DCAF4: variants seen among roughly 807,000 people sequenced by gnomAD.
DCAF4 encodes the protein DDB1- and CUL4-associated factor 4.
Under a neutral mutation model 60.9 loss-of-function variants are expected in DCAF4, and 37 were observed. The observed-to-expected ratio is 0.61, with a 90% CI of 0.47 to 0.80. The LOEUF is 0.80. DCAF4 is among the 30% of genes least tolerant of loss of function. DCAF4 has a pLI of 0.00. For missense variants in DCAF4, 577 were observed against 650.0 expected (o/e 0.89, Z 1.22); for synonymous variants, 243 against 254.8 (o/e 0.95, Z 0.44).
chr14:72,930,810 CA>C (rs1208437610), intron 1 of DCAF4, among the ~76,000 whole-genome samples: 1 of 152,066 alleles, frequency 6.6e-6, no homozygotes, highest in African/African-American at 2.4e-5. Context: ...AGTAAGGATC[CA>C]AATTCATTCT....
intron 8 of DCAF4, among the ~76,000 whole-genome samples, chr14:72,951,114 G>A (rs527681066): frequency 6.6e-6 from 1 of 152,084 alleles, no homozygotes; most frequent in South Asian, 2.1e-4. Flanking sequence ...CCAAGGAGCT[G>A]GTACTACAGG....
chr14:72,933,997 T>C (rs1177303152), intron 1 of DCAF4, among the ~76,000 whole-genome samples: 1 of 152,164 alleles, frequency 6.6e-6, no homozygotes, highest in Non-Finnish European at 1.5e-5. Flanking sequence ...TGCCCTTTCT[T>C]AGCAGCTCTA....
chr14:72,944,907 T>G (rs183906952), intron 6 of DCAF4, among the ~76,000 whole-genome samples: 98 of 148,534 alleles, frequency 6.6e-4, no homozygotes, highest in Non-Finnish European at 1.1e-3. Flanking sequence ...TGACCAACAT[T>G]GTGAAACCAC....
rs565953458 is a variant in DCAF4 at position 72,934,229 on chromosome 14, C to T, written c.-8-3742C>T. 2.6e-5 allele frequency among the ~76,000 whole-genome samples: 4 copies of T among 151,818 alleles called. No homozygotes were observed. In the South Asian group the frequency reaches 6.2e-4, roughly 24 times the overall value. ...AGTGCAATGGCGCTATCTCGGCTCA[C>T]GGCAACCTCCACCTCCCGGGTTCAA... On this transcript the variant is annotated intron_variant, in intron 1 of 13. Coordinates refer to ENST00000358377, the MANE Select transcript of DCAF4 (RefSeq NM_015604.4).
intron 7 of DCAF4, among the ~76,000 whole-genome samples, chr14:72,946,265 C>T (rs56683761): frequency 0.01 from 1,511 of 150,634 alleles, 21 homozygotes; most frequent in African/African-American, 0.034. Context: ...TGTGGTGGCG[C>T]GCACCTGTAG....
In DCAF4 at chr14:72,956,483, A is replaced by C; in HGVS notation, c.1277A>C (p.Glu426Ala). The change falls in exon 13 of 14, where the codon GAA becomes GCA. Residue 426 changes from glutamate to alanine, a missense_variant. By Grantham distance (107) the Glu-to-Ala change is moderately radical (BLOSUM62 -1). Transcript: ENST00000358377. The stretch of plus-strand genomic sequence containing the variant: ...CTGCCCCTGCATGTGCACGAGGAAG[A>C]AGGAATCCTGGTGGCAGGTACTTGA... ...AYLPLHVHEE[E>A]GILVAVGQDC... 6.2e-7 allele frequency: 1 copy of C among 1,612,692 alleles called. No individual in the cohort carries two copies. Among genetic ancestry groups the C allele is most frequent in the Non-Finnish European group, 8.5e-7 (1 of 1,179,346 alleles).
intron 4 of DCAF4, chr14:72,940,591 G>GTTTTTT: frequency 7.0e-6 from 2 of 284,510 alleles, no homozygotes; most frequent in Middle Eastern, 1.0e-3. Flanking sequence ...TCGATAAGTT[G>GTTTTTT]TTTTTTTTTT....
intron 13 of DCAF4, chr14:72,957,549 CTCA>C (rs1892466036): frequency 6.6e-6 from 1 of 152,220 alleles, no homozygotes; most frequent in Admixed American, 6.5e-5. Context: ...ATTTACTATT[CTCA>C]TCAACACCAG....
intron 3 of DCAF4, 148 bp downstream of exon 3, chr14:72,940,050 G>T (rs1417462318): frequency 2.6e-6 from 3 of 1,174,968 alleles, no homozygotes; most frequent in Non-Finnish European, 3.6e-6. Context: ...GAGGCAAACC[G>T]CCTCCCCCAG....
intron 2 of DCAF4, among the ~76,000 whole-genome samples, chr14:72,939,091 C>T (rs555991471): frequency 2.0e-4 from 30 of 152,150 alleles, no homozygotes; most frequent in South Asian, 6.2e-4. Flanking sequence ...TGGTGGCTGA[C>T]GCCTGTAATC....
rs1594755468 is a variant in DCAF4, at chr14:72,940,351, C to T, written c.325C>T (p.Leu109Phe). 6.2e-7 allele frequency: 1 copy of T among 1,612,584 alleles called. No homozygotes were observed. Among genetic ancestry groups the T allele is most frequent in the Non-Finnish European group, 8.5e-7 (1 of 1,179,668 alleles). ...GATGGAGAGCAAGAGACTGCGGCTG[C>T]TCCAGGAAGAAGACAGACGGAAAAA... is the stretch of plus-strand genomic sequence containing the variant. ...KEMESKRLRL[L>F]QEEDRRKKIA... The change falls in exon 4 of 14, where the codon CTC becomes TTC. Residue 109 changes from leucine to phenylalanine, a missense_variant. Coordinates refer to ENST00000358377, the MANE Select transcript of DCAF4 (RefSeq NM_015604.4).
intron 4 of DCAF4, 22 bp from the exon 5 acceptor site, chr14:72,941,721 TTC>T: frequency 6.2e-7 from 1 of 1,602,542 alleles, no homozygotes. Flanking sequence ...CATTGAATTG[TTC>T]TCTTTTTTGT....
intron 1 of DCAF4, chr14:72,929,994 T>G (rs1294679840): frequency 3.1e-6 from 2 of 647,276 alleles, no homozygotes; most frequent in South Asian, 1.8e-5. Context: ...TAGCCTGGTG[T>G]TGTGGCTCGT....
chr14:72,929,708 C>G, intron 1 of DCAF4: 1 of 1,246,078 alleles, frequency 8.0e-7, no homozygotes, highest in Admixed American at 1.7e-5. Flanking sequence ...CCACCCTTTT[C>G]TTGATGAACT....
At position 72,942,976 on chromosome 14, in the gene DCAF4, C is replaced by T. The variant is rs1890245701; in HGVS notation, c.432-18C>T. The stretch of plus-strand genomic sequence containing the variant: ...ATGTCAGCTTCAGCATCCATGCCCC[C>T]ACCCTCTGTTTCTGCAGTTTAGCCC... On this transcript the variant is annotated intron_variant, in intron 5 of 13. Transcript: ENST00000358377. 1.9e-6 allele frequency: 3 copies of T among 1,612,814 alleles called. No individual in the cohort carries two copies. The highest frequency in any genetic ancestry group is 1.1e-5 in the South Asian group (1 of 90,950).
intron 13 of DCAF4, 75 bp downstream of exon 13, chr14:72,956,575 G>A: frequency 2.8e-6 from 4 of 1,443,086 alleles, no homozygotes; most frequent in African/African-American, 1.4e-5. Flanking sequence ...AACTTCAGCA[G>A]CAGAGGGAAA....
chr14:72,927,558 A>G (rs1231630672), intron 1 of DCAF4, among the ~76,000 whole-genome samples: 35 of 151,624 alleles, frequency 2.3e-4, no homozygotes, highest in Non-Finnish European at 4.9e-4. Flanking sequence ...TCACCGTGTT[A>G]GCCAGGATGG....
At chr14:72,940,591 GTTTTTT>G in intron 4 of DCAF4, 1 of 284,516 alleles carries the variant, frequency 3.5e-6, no homozygotes, top group Non-Finnish European at 6.2e-6. Flanking sequence ...TCGATAAGTT[GTTTTTT>G]TTTTTTTTTT....
At chr14:72,960,541 C>CTG (rs909834743), downstream of DCAF4, 340 of 947,714 alleles carry the variant, frequency 3.6e-4, no homozygotes, top group Non-Finnish European at 2.1e-4. Flanking sequence ...GCAGTTTGCA[C>CTG]TGTGCCCCCT....
Sources: gnomAD v4.1 joint callset for allele counts (sites outside exome capture counted in the v4.1 genomes callset) on GRCh38, gnomAD v4.1.1 for gene constraint, MANE v1.5 for transcripts, NCBI Gene and HGNC (gene_info 2026-07-23, HGNC 2026-07-21) for gene names.